SOX5: variants seen among roughly 807,000 people sequenced by gnomAD.
The protein encoded by SOX5 is transcription factor SOX-5.
A neutral mutation model predicts 92.0 loss-of-function variants in SOX5; 9 were observed. That is an observed-to-expected ratio of 0.10 (90% CI 0.06 to 0.17). The LOEUF is 0.17. Among genes scored for constraint, SOX5 ranks in the 10% least tolerant of loss-of-function variants. The pLI, the probability that SOX5 is intolerant of heterozygous loss-of-function variation, is 1.00. For synonymous variants in SOX5, 344 were observed against 336.3 expected, an observed-to-expected ratio of 1.02 and a Z score of -0.25; for missense variants, 642 against 944.5, an observed-to-expected ratio of 0.68 and a Z score of 4.20.
chr12:24,262,228 G>A (rs191880473), intron 3 of SOX5, among the ~76,000 whole-genome samples: 2 of 152,258 alleles, frequency 1.3e-5, no homozygotes, highest in East Asian at 3.9e-4. Flanking sequence ...ATAATGAGTT[G>A]TATGGGACTC....
chr12:23,757,305 T>C (rs748339157), intron 3 of SOX5, among the ~76,000 whole-genome samples: 3 of 152,072 alleles, frequency 2.0e-5, no homozygotes, highest in Admixed American at 6.6e-5. Context: ...AAGGAACTAA[T>C]ACCGAAAAAT....
intron 4 of SOX5, among the ~76,000 whole-genome samples, chr12:24,004,346 T>A (rs905249669): frequency 1.3e-5 from 2 of 151,124 alleles, no homozygotes; most frequent in South Asian, 4.2e-4. Flanking sequence ...TGTAAGCCAT[T>A]GACAAAGAAA....
intron 4 of SOX5, among the ~76,000 whole-genome samples, chr12:24,011,854 G>C (rs1952979727): frequency 6.6e-6 from 1 of 151,962 alleles, no homozygotes; most frequent in Non-Finnish European, 1.5e-5. Context: ...TATTAACATG[G>C]AACATTTCCT....
chr12:24,164,791 T>C (rs1953194030), intron 4 of SOX5, among the ~76,000 whole-genome samples: 1 of 152,090 alleles, frequency 6.6e-6, no homozygotes, highest in Non-Finnish European at 1.5e-5. Context: ...TTATGAATTG[T>C]GGGTAAAAAG....
chr12:24,062,477 A>T (rs559599100), intron 4 of SOX5, among the ~76,000 whole-genome samples: 9 of 152,312 alleles, frequency 5.9e-5, no homozygotes, highest in African/African-American at 2.2e-4. Flanking sequence ...TGTGACAGGG[A>T]CTGATGAAGG....
chr12:23,976,984 C>T (rs1460147307), intron 4 of SOX5, among the ~76,000 whole-genome samples: 1 of 152,036 alleles, frequency 6.6e-6, no homozygotes, highest in Non-Finnish European at 1.5e-5. Flanking sequence ...CAAGATGGGA[C>T]CATTTCCCAA....
intron 3 of SOX5, among the ~76,000 whole-genome samples, chr12:23,836,787 TG>T (rs1328925313): frequency 1.3e-5 from 2 of 151,920 alleles, no homozygotes; most frequent in African/African-American, 4.8e-5. Context: ...TAATGGCCTT[TG>T]AAAAACAATG....
intron 4 of SOX5, among the ~76,000 whole-genome samples, chr12:24,201,587 C>CT (rs1164603518): frequency 6.6e-6 from 1 of 152,158 alleles, no homozygotes; most frequent in Non-Finnish European, 1.5e-5. Context: ...CACAAAAAAA[C>CT]TTTAACATCA....
rs77991308 is a variant in SOX5, at chr12:24,271,369, T to C, written c.-77+5847A>G. On this transcript the variant is annotated intron_variant, in intron 3 of 4. Transcript: ENST00000446891. ...CTTCTTTTGCCTTTTTCTACTGGAC[T>C]ATGTGAACTTTAACAACGACTTGTA... Among the ~76,000 whole-genome samples the C allele has an allele frequency of 6.0e-3, 917 of 152,336 alleles. 6 individuals are homozygous for C. The highest frequency in any genetic ancestry group is 0.017 in the Middle Eastern group (5 of 294).
chr12:23,675,336 G>T (rs1200334178), intron 6 of SOX5, among the ~76,000 whole-genome samples: 1 of 152,014 alleles, frequency 6.6e-6, no homozygotes, highest in African/African-American at 2.4e-5. Flanking sequence ...TCCGTCCTCA[G>T]AGTGCAGACT....
At chr12:24,502,843 T>C (rs1385425019) in intron 1 of SOX5, among the ~76,000 whole-genome samples, 1 of 152,160 alleles carries the variant, frequency 6.6e-6, no homozygotes. Flanking sequence ...GAAAAACACA[T>C]CAATTTTACG....
At chr12:24,025,277 A>C (rs985977782) in intron 4 of SOX5, among the ~76,000 whole-genome samples, 1 of 152,048 alleles carries the variant, frequency 6.6e-6, no homozygotes, top group African/African-American at 2.4e-5. Flanking sequence ...TCCAAAGCGG[A>C]GGCCACCAGA....
intron 6 of SOX5, among the ~76,000 whole-genome samples, chr12:23,680,325 CAAAAAAAAAA>C (rs57754255): frequency 3.5e-4 from 17 of 48,390 alleles, no homozygotes; most frequent in Non-Finnish European, 6.3e-4. Context: ...GACCTTGTCT[CAAAAAAAAAA>C]AAAAAAAAAA....
chr12:24,335,592 C>T (rs552148128), intron 2 of SOX5, among the ~76,000 whole-genome samples: 1 of 152,142 alleles, frequency 6.6e-6, no homozygotes, highest in East Asian at 1.9e-4. Flanking sequence ...GGTTCCAGGA[C>T]CTTAACGACC....
At chr12:24,326,439 T>C (rs1333827253) in intron 2 of SOX5, among the ~76,000 whole-genome samples, 2 of 102,914 alleles carry the variant, frequency 1.9e-5, no homozygotes, top group African/African-American at 6.8e-5. Context: ...CTTACATACC[T>C]TCATTTGATC....
chr12:24,373,790 G>A (rs1159191014), intron 1 of SOX5, among the ~76,000 whole-genome samples: 2 of 152,124 alleles, frequency 1.3e-5, no homozygotes, highest in Admixed American at 6.6e-5. Flanking sequence ...TAACAGATAT[G>A]CTACTTTCTG....
intron 1 of SOX5, among the ~76,000 whole-genome samples, chr12:24,389,786 T>G (rs1372452294): frequency 6.6e-6 from 1 of 152,222 alleles, no homozygotes; most frequent in African/African-American, 2.4e-5. Context: ...GTTTAACATT[T>G]GAAGGAGCTG....
chr12:23,549,149 C>G (rs1943703648), intron 11 of SOX5, among the ~76,000 whole-genome samples: 1 of 151,906 alleles, frequency 6.6e-6, no homozygotes, highest in South Asian at 2.1e-4. Flanking sequence ...TTTTGATTCT[C>G]AAATTTCTTA....
chr12:23,866,519 G>T (rs541707818), intron 2 of SOX5, among the ~76,000 whole-genome samples: 1 of 152,248 alleles, frequency 6.6e-6, no homozygotes, highest in Non-Finnish European at 1.5e-5. Flanking sequence ...CTTGAATGAT[G>T]CCTGTTAACA....
Sources: gnomAD v4.1 joint callset for allele counts (sites outside exome capture counted in the v4.1 genomes callset) on GRCh38, gnomAD v4.1.1 for gene constraint, MANE v1.5 for transcripts, NCBI Gene and HGNC (gene_info 2026-07-23, HGNC 2026-07-21) for gene names.